CA2: variants seen among roughly 807,000 people sequenced by gnomAD.
CA2 encodes the protein carbonic anhydrase 2.
In CA2, 23 loss-of-function variants were observed where a neutral mutation model predicts 27.8. That is an observed-to-expected ratio of 0.83 (90% CI 0.59 to 1.17). CA2 has a LOEUF of 1.17. Among genes scored for constraint, CA2 ranks in the 50% most tolerant of loss-of-function variants. The pLI, the probability that CA2 is intolerant of heterozygous loss-of-function variation, is 0.00. For missense variants in CA2, 300 were observed against 314.7 expected (o/e 0.95, Z 0.35); for synonymous variants, 99 against 114.9 (o/e 0.86, Z 0.88).
intron 2 of CA2, among the ~76,000 whole-genome samples, chr8:85,466,791 T>A (rs757275688): frequency 9.9e-5 from 15 of 152,186 alleles, no homozygotes; most frequent in Non-Finnish European, 1.8e-4. Flanking sequence ...GTTCGGTGAT[T>A]CTGCTACATT....
At chr8:85,474,622 G>A in intron 4 of CA2, 1 of 586,414 alleles carries the variant, frequency 1.7e-6, no homozygotes, top group Non-Finnish European at 3.0e-6. Context: ...TACTTATTTG[G>A]TACCTTTTGG....
Position 85,477,176 on chromosome 8 carries a change from G to C in CA2, c.564G>C (p.Leu188Phe), listed in dbSNP as rs1474799248. The change falls in exon 6 of 7, where the codon TTG becomes TTC. Residue 188 changes from leucine to phenylalanine, a missense_variant. Physicochemically the swap from Leu to Phe is conservative, Grantham distance 22. Coordinates refer to ENST00000285379, the MANE Select transcript of CA2 (RefSeq NM_000067.3). The part of the protein sequence containing the change: ...FDPRGLLPES[L>F]DYWTYPGSLT... ...CTCGTGGCCTCCTTCCTGAATCCTT[G>C]GATTACTGGACCTACCCAGGCTCAC... The C allele has an allele frequency of 6.2e-7, 1 of 1,613,922 alleles. No individual in the cohort carries two copies. The highest frequency in any genetic ancestry group is 8.5e-7 in the Non-Finnish European group (1 of 1,179,952).
chr8:85,477,606 A>G (rs1811823664), intron 6 of CA2, among the ~76,000 whole-genome samples: 1 of 151,894 alleles, frequency 6.6e-6, no homozygotes, highest in Non-Finnish European at 1.5e-5. Flanking sequence ...TTCATATTCA[A>G]GGTTACGCAG....
intron 6 of CA2, among the ~76,000 whole-genome samples, chr8:85,478,710 A>G (rs961330366): frequency 5.9e-5 from 9 of 152,048 alleles, no homozygotes; most frequent in African/African-American, 2.2e-4. Context: ...CAAAATACCA[A>G]TAGGGCTCTT....
Position 85,465,360 on chromosome 8 carries a change from C to T in CA2, c.123C>T (p.Asp41=). 1.2e-6 allele frequency: 2 copies of T among 1,613,924 alleles called. No individual in the cohort carries two copies. The highest frequency in any genetic ancestry group is 1.7e-6 in the Non-Finnish European group (2 of 1,179,760). ...VDIDTHTAKY[D]PSLKPLSVSY... ...TCGACACTCATACAGCCAAGTATGA[C>T]CCTTCCCTGAAGCCCCTGTCTGTTT... is the stretch of plus-strand genomic sequence containing the variant. Residue 41 remains aspartate (D), a synonymous_variant, in exon 2 of 7, where the codon GAC becomes GAT. Coordinates refer to ENST00000285379, the MANE Select transcript of CA2 (RefSeq NM_000067.3).
chr8:85,471,385 CTT>C (rs35626325), intron 2 of CA2, among the ~76,000 whole-genome samples: 93,888 of 150,204 alleles, frequency 0.63, 29,709 homozygotes, highest in African/African-American at 0.71. Flanking sequence ...AGCACTTTAT[CTT>C]TTTTTTTTTT....
At position 85,464,027 on chromosome 8, in the gene CA2, C is replaced by T. The variant is rs1292208446; in HGVS notation, c.-55C>T. On this transcript the variant is annotated 5_prime_UTR_variant, in exon 1 of 7. Coordinates refer to ENST00000285379, the MANE Select transcript of CA2 (RefSeq NM_000067.3). ...CGGACACACAGTGCAGGCGCCCAAG[C>T]CGCCGCCGCCAGATCGGTGCCGATT... 1.3e-6 allele frequency: 2 copies of T among 1,519,090 alleles called. No individual in the cohort carries two copies. The highest frequency in any genetic ancestry group is 2.8e-5 in the African/African-American group (2 of 72,338). The allele number at this position is 1,519,090 out of a possible 1,614,324, so 94.1% of individuals were successfully genotyped here.
rs1231130547 is a variant in CA2 at position 85,480,565 on chromosome 8, G to T, written c.664-105G>T. 6 of 1,132,184 alleles carry T rather than the reference G, an allele frequency of 5.3e-6. No homozygotes were observed. In the East Asian group the frequency reaches 8.0e-5, roughly 15 times the overall value. The allele number at this position is 1,132,184 out of a possible 1,614,324, so 70.1% of individuals were successfully genotyped here. ...TACAAAGTGCTGGGATTACAGGCATGAGCCACTGCGCCTGGCCGGGGAATG... is the reference window on the plus strand; with the variant it reads ...TACAAAGTGCTGGGATTACAGGCATTAGCCACTGCGCCTGGCCGGGGAATG... On this transcript the variant is annotated intron_variant, in intron 6 of 6. Transcript: ENST00000285379.
At chr8:85,465,805 A>G (rs1373478138) in intron 2 of CA2, among the ~76,000 whole-genome samples, 1 of 152,250 alleles carries the variant, frequency 6.6e-6, no homozygotes, top group Admixed American at 6.5e-5. Context: ...AACTTTTAAG[A>G]TTGTAAAATA....
chr8:85,476,831 T>C (rs1045827396), intron 5 of CA2, among the ~76,000 whole-genome samples: 5 of 152,086 alleles, frequency 3.3e-5, no homozygotes, highest in Admixed American at 2.6e-4. Context: ...GATCAGCTAA[T>C]GACTTAATGG....
chr8:85,475,685 G>A, intron 4 of CA2, 113 bp from the exon 5 acceptor site: 1 of 888,288 alleles, frequency 1.1e-6, no homozygotes. Flanking sequence ...GTATGAAGTG[G>A]AGAATTTGGG....
Position 85,473,754 on chromosome 8 carries a change from T to C in CA2, c.294T>C (p.Gly98=), listed in dbSNP as rs1024199724. 1 of 1,612,908 alleles carries C rather than the reference T, an allele frequency of 6.2e-7. No homozygotes were observed. Among genetic ancestry groups the C allele is most frequent in the African/African-American group, 1.3e-5 (1 of 74,874 alleles). The change falls in exon 3 of 7, where the codon GGT becomes GGC. Residue 98 remains glycine, a synonymous_variant. Transcript: ENST00000285379. ...TGATTCAGTTTCACTTTCACTGGGG[T>C]TCACTTGATGGACAAGGTTCAGAGC... ...YRLIQFHFHW[G]SLDGQGSEHT...
intron 2 of CA2, among the ~76,000 whole-genome samples, chr8:85,465,672 C>T (rs1214449281): frequency 6.6e-6 from 1 of 152,122 alleles, no homozygotes. Context: ...GCCGTTTCTT[C>T]CCTGTAAAAC....
At chr8:85,476,852 G>A (rs746165984) in intron 5 of CA2, among the ~76,000 whole-genome samples, 13 of 151,406 alleles carry the variant, frequency 8.6e-5, no homozygotes, top group African/African-American at 2.9e-4. Flanking sequence ...GGAATGTAAG[G>A]GATCATTTTA....
At chr8:85,464,268 GCGCTCGCTC>G in intron 1 of CA2, 153 bp downstream of exon 1, 1 of 596,528 alleles carries the variant, frequency 1.7e-6, no homozygotes, top group Non-Finnish European at 2.7e-6. Context: ...TGCGCCCCGG[GCGCTCGCTC>G]CGCTCGCGGC....
Position 85,468,483 on chromosome 8 carries a change from G to T in CA2, c.232+3014G>T, listed in dbSNP as rs553768673. On this transcript the variant is annotated intron_variant, in intron 2 of 6. Transcript: ENST00000285379. ...AAAAATCATACCATGTGGGGGACAG[G>T]CACGGTGGCTCACGCCTGTAGTCCC... 5.3e-5 allele frequency among the ~76,000 whole-genome samples: 8 copies of T among 152,326 alleles called. No homozygotes were observed. The South Asian group carries it at 1.7e-3, about 32-fold the overall frequency.
rs1203921376 is a variant in CA2, at chr8:85,477,191, C to G, written c.579C>G (p.Tyr193Ter). The G allele has an allele frequency of 6.2e-7, 1 of 1,614,004 alleles. No individual in the cohort carries two copies. The highest frequency in any genetic ancestry group is 8.5e-7 in the Non-Finnish European group (1 of 1,179,912). ...LLPESLDYWT[Y>*]PGSLTTPPLL... is the part of the protein sequence containing the mutation. ...CTGAATCCTTGGATTACTGGACCTA[C>G]CCAGGCTCACTGACCACCCCTCCTC... The change falls in exon 6 of 7, where the codon TAC (tyrosine) becomes TAG (stop). Residue 193 changes from tyrosine (Y) to a stop codon, truncating the protein, a stop_gained. Transcript: ENST00000285379. LOFTEE classifies it high-confidence loss of function.
In CA2 at chr8:85,481,050, A is replaced by AGGCCGGGCGCGGTGGCTCACGCCTGT; in HGVS notation, c.*261_*262insGGCCGGGCGCGGTGGCTCACGCCTGT. On this transcript the variant is annotated 3_prime_UTR_variant, in exon 7 of 7. Transcript: ENST00000285379. ...AGAATATAGGATAAGAAATAAGAAT[A>AGGCCGGGCGCGGTGGCTCACGCCTGT]AAGTACCTTGACTTTGTTCACAGCA... The AGGCCGGGCGCGGTGGCTCACGCCTGT allele has an allele frequency of 2.3e-6, 1 of 437,788 alleles. No homozygotes were observed. The highest frequency in any genetic ancestry group is 2.0e-5 in the African/African-American group (1 of 49,854). The allele number at this position is 437,788 out of a possible 1,614,324, so 27.1% of individuals were successfully genotyped here. A position where few individuals can be genotyped will look rare whatever the true frequency, so the allele number is the denominator to read the frequency against.
chr8:85,465,664 C>T (rs1811618890), intron 2 of CA2, among the ~76,000 whole-genome samples, 195 bp downstream of exon 2: 2 of 152,104 alleles, frequency 1.3e-5, no homozygotes, highest in Non-Finnish European at 2.9e-5. Context: ...GTCCCGGGGC[C>T]GTTTCTTCCC....
Sources: gnomAD v4.1 joint callset for allele counts (sites outside exome capture counted in the v4.1 genomes callset) on GRCh38, gnomAD v4.1.1 for gene constraint, MANE v1.5 for transcripts, NCBI Gene and HGNC (gene_info 2026-07-23, HGNC 2026-07-21) for gene names.